Variants in DGKH observed in about 807,000 individuals in gnomAD.
DGKH encodes diacylglycerol kinase eta.
A neutral mutation model predicts 159.3 loss-of-function variants in DGKH; 90 were observed. The ratio of observed to expected loss-of-function variants is 0.57; its 90% CI spans 0.48 to 0.67. The LOEUF (loss-of-function observed/expected upper bound fraction) is 0.67, where lower values mean the gene tolerates loss of function less well. Among genes scored for constraint, DGKH ranks in the 30% least tolerant of loss-of-function variants. The probability of loss-of-function intolerance (pLI) is 0.00; values close to 1 mark genes in which losing one functional copy is unlikely to be tolerated. For synonymous variants in DGKH, 536 were observed against 553.8 expected, an observed-to-expected ratio of 0.97 and a Z score of 0.45; for missense variants, 1,181 against 1,506.1, an observed-to-expected ratio of 0.78 and a Z score of 3.57.
At chr13:42,067,689 T>TTTAA (rs761914575) in intron 1 of DGKH, among the ~76,000 whole-genome samples, 10 of 151,922 alleles carry the variant, frequency 6.6e-5, no homozygotes, top group Admixed American at 3.9e-4. Context: ...TTATAGTTGA[T>TTTAA]TTAATTAATT....
At chr13:42,120,928 A>T (rs978034241) in intron 1 of DGKH, among the ~76,000 whole-genome samples, 1 of 152,198 alleles carries the variant, frequency 6.6e-6, no homozygotes, top group Non-Finnish European at 1.5e-5. Flanking sequence ...CCACTGTCAC[A>T]GAGGTTACTT....
intron 1 of DGKH, among the ~76,000 whole-genome samples, chr13:42,052,632 T>C (rs1881408709): frequency 6.6e-6 from 1 of 152,258 alleles, no homozygotes; most frequent in South Asian, 2.1e-4. Flanking sequence ...GAATAAGATA[T>C]TTTTGAAACA....
chr13:42,241,095 G>A lies in DGKH; in HGVS notation c.*11907G>A, dbSNP rs1958505450. On this transcript the variant is annotated 3_prime_UTR_variant, in exon 30 of 30. Transcript: ENST00000337343. ...CCACTGCACTCCAGCCTGGGCGACA[G>A]AGTGAGACTCTGTCTCAAAAAAAAG... 1 of 150,608 alleles carries A rather than the reference G, an allele frequency of 6.6e-6. No homozygotes were observed. The highest frequency in any genetic ancestry group is 2.5e-5 in the African/African-American group (1 of 40,582). 9.3% of individuals were successfully genotyped at this position (150,608 alleles called of 1,614,324 possible). A position where few individuals can be genotyped will look rare whatever the true frequency, so the allele number is the denominator to read the frequency against.
At chr13:42,160,216 G>A in intron 7 of DGKH, 80 bp downstream of exon 7, 2 of 1,598,760 alleles carry the variant, frequency 1.3e-6, no homozygotes, top group Non-Finnish European at 1.7e-6. Context: ...TAGAGGCAAA[G>A]CAAAGAATTT....
chr13:42,041,073 C>T (rs1171015823), intron 1 of DGKH, among the ~76,000 whole-genome samples: 1 of 152,028 alleles, frequency 6.6e-6, no homozygotes. Context: ...GCTTCCTCCG[C>T]CGCCCGGGCT....
chr13:42,049,528 C>T lies in DGKH; in HGVS notation c.192+563C>T, dbSNP rs79416893. On this transcript the variant is annotated intron_variant, in intron 1 of 29. Coordinates refer to ENST00000337343, the MANE Select transcript of DGKH (RefSeq NM_178009.5). ...GGTGACACCGGTCAGCCTTTCCTGCCCCTCTGCCTCCTGCTGCGGTCTGGA... is the reference window on the plus strand; with the variant it reads ...GGTGACACCGGTCAGCCTTTCCTGCTCCTCTGCCTCCTGCTGCGGTCTGGA... Among the ~76,000 whole-genome samples the T allele has an allele frequency of 2.6e-3, 399 of 152,348 alleles. 1 individual carries two copies. Among genetic ancestry groups the T allele is most frequent in the Middle Eastern group, 0.01 (3 of 294 alleles).
intron 1 of DGKH, among the ~76,000 whole-genome samples, chr13:42,083,548 C>T (rs2166623): frequency 0.12 from 18,477 of 152,192 alleles, 1,876 homozygotes; most frequent in African/African-American, 0.28. Context: ...TATCTAGCGC[C>T]GCCGCTGTAG....
At chr13:42,255,746 A>G in intron 30 of DGKH, 2 of 419,578 alleles carry the variant, frequency 4.8e-6, no homozygotes, top group East Asian at 7.3e-5. Flanking sequence ...TGTGGGAAGC[A>G]AAACTGCGAA....
intron 1 of DGKH, among the ~76,000 whole-genome samples, chr13:42,108,227 A>C (rs972579626): frequency 1.3e-5 from 2 of 152,304 alleles, no homozygotes; most frequent in Admixed American, 6.5e-5. Context: ...TAAAATCACA[A>C]GCATTAGGTC....
intron 21 of DGKH, 125 bp from the exon 22 acceptor site, chr13:42,208,834 A>G (rs1359627905): frequency 2.7e-5 from 8 of 300,756 alleles, no homozygotes; most frequent in Non-Finnish European, 4.3e-5. Context: ...TTATTTCCTA[A>G]TAATATTTAC....
intron 1 of DGKH, among the ~76,000 whole-genome samples, chr13:42,057,621 T>C (rs1461761255): frequency 6.6e-6 from 1 of 152,228 alleles, no homozygotes; most frequent in Non-Finnish European, 1.5e-5. Context: ...CCTTTGTTGC[T>C]CCTCAATTCA....
chr13:42,143,562 T>G (rs1955632089), intron 3 of DGKH, among the ~76,000 whole-genome samples: 1 of 152,236 alleles, frequency 6.6e-6, no homozygotes, highest in African/African-American at 2.4e-5. Context: ...TATTAATTAT[T>G]GCCTCAATTT....
In DGKH at chr13:42,235,144, G is replaced by A. The variant is rs148529915; in HGVS notation, c.*5956G>A. Reference sequence around the variant, plus strand: ...GAAGTTTAACAGAGTAACTCAGACTGAGACTGTTAAACTCTGTTCATGATA... The same window carrying A: ...GAAGTTTAACAGAGTAACTCAGACTAAGACTGTTAAACTCTGTTCATGATA... On this transcript the variant is annotated 3_prime_UTR_variant, in exon 30 of 30. Coordinates refer to ENST00000337343, the MANE Select transcript of DGKH (RefSeq NM_178009.5). 439 of 152,236 alleles carry A rather than the reference G, an allele frequency of 2.9e-3. No homozygotes were observed. Among genetic ancestry groups the A allele is most frequent in the African/African-American group, 0.01 (417 of 41,544 alleles). 9.4% of individuals were successfully genotyped at this position (152,236 alleles called of 1,614,324 possible).
chr13:42,053,488 CTATA>C lies in DGKH; in HGVS notation c.192+4525_192+4528del, dbSNP rs367935668. Among the ~76,000 whole-genome samples the C allele has an allele frequency of 5.6e-3, 806 of 144,916 alleles. 10 individuals carry two copies. Among genetic ancestry groups the C allele is most frequent in the African/African-American group, 0.019 (772 of 39,768 alleles). ...TATAACTATATGTATAACTATATAA[CTATA>C]TGTATAGAACTGTAACTATACATAA... On this transcript the variant is annotated intron_variant, in intron 1 of 29. Transcript: ENST00000337343.
At chr13:42,256,423 A>G in exon 31 of DGKH, 1 of 1,574,146 alleles carries the variant, frequency 6.4e-7, no homozygotes, top group Non-Finnish European at 8.7e-7. Context: ...TTGCTAAGAC[A>G]GCACACAAAA....
chr13:42,228,350 T>G (rs1386977056), intron 29 of DGKH, among the ~76,000 whole-genome samples: 1 of 152,162 alleles, frequency 6.6e-6, no homozygotes, highest in East Asian at 1.9e-4. Flanking sequence ...GTTTAAGTAA[T>G]TTTTTACACA....
Position 42,231,568 on chromosome 13 carries a change from G to T in DGKH, c.*2380G>T, listed in dbSNP as rs1958294122. The T allele has an allele frequency of 6.6e-6, 1 of 152,024 alleles. No homozygotes were observed. The highest frequency in any genetic ancestry group is 1.5e-5 in the Non-Finnish European group (1 of 68,018). 9.4% of individuals were successfully genotyped at this position (152,024 alleles called of 1,614,324 possible). ...CTCTGTCCATCTTTACTAAAAAAAG[G>T]AAATGTGAGGGAAAGAAGGGGAAGA... On this transcript the variant is annotated 3_prime_UTR_variant, in exon 30 of 30. Coordinates refer to ENST00000337343, the MANE Select transcript of DGKH (RefSeq NM_178009.5).
At chr13:42,213,560 G>A (rs553146428) in intron 24 of DGKH, among the ~76,000 whole-genome samples, 2 of 152,204 alleles carry the variant, frequency 1.3e-5, no homozygotes, top group East Asian at 3.9e-4. Flanking sequence ...GTTTCTCAGG[G>A]TTGCTGATAA....
chr13:42,148,137 G>A (rs985068724), intron 3 of DGKH, among the ~76,000 whole-genome samples: 1 of 152,178 alleles, frequency 6.6e-6, no homozygotes, highest in African/African-American at 2.4e-5. Flanking sequence ...GGCAGATATA[G>A]TTTCAAATCT....
Sources: gnomAD v4.1 joint callset for allele counts (sites outside exome capture counted in the v4.1 genomes callset) on GRCh38, gnomAD v4.1.1 for gene constraint, MANE v1.5 for transcripts, NCBI Gene and HGNC (gene_info 2026-07-23, HGNC 2026-07-21) for gene names.